CCDC15: variants seen among roughly 807,000 people sequenced by gnomAD.
CCDC15 encodes coiled-coil domain containing 15.
A neutral mutation model predicts 114.5 loss-of-function variants in CCDC15; 105 were observed. The ratio of observed to expected loss-of-function variants is 0.92; its 90% CI spans 0.78 to 1.08. CCDC15 has a LOEUF of 1.08. CCDC15 is among the 50% of genes least tolerant of loss of function. The pLI, the probability that CCDC15 is intolerant of heterozygous loss-of-function variation, is 0.00. For synonymous variants in CCDC15, 334 were observed against 377.8 expected, an observed-to-expected ratio of 0.88 and a Z score of 1.34; for missense variants, 1,105 against 1,093.6, an observed-to-expected ratio of 1.01 and a Z score of -0.15.
intron 6 of CCDC15, among the ~76,000 whole-genome samples, chr11:124,982,212 C>G (rs528215054): frequency 6.6e-6 from 1 of 152,250 alleles, no homozygotes; most frequent in African/African-American, 2.4e-5. Flanking sequence ...CTCTTGTAGA[C>G]AGCATACCAT....
intron 2 of CCDC15, among the ~76,000 whole-genome samples, chr11:124,958,242 C>G (rs1033330330): frequency 1.3e-5 from 2 of 152,142 alleles, no homozygotes; most frequent in Non-Finnish European, 2.9e-5. Flanking sequence ...ATAAAGTGTT[C>G]CAGATTGTTC....
intron 11 of CCDC15, among the ~76,000 whole-genome samples, chr11:125,003,651 T>A (rs1284761926): frequency 6.6e-6 from 1 of 152,054 alleles, no homozygotes; most frequent in African/African-American, 2.4e-5. Flanking sequence ...CCTGAACCCT[T>A]TTCTTCGATT....
chr11:124,992,674 C>T lies in CCDC15; in HGVS notation c.2126C>T (p.Ser709Phe), dbSNP rs750991622. 1.9e-6 allele frequency: 3 copies of T among 1,576,732 alleles called. No homozygotes were observed. Among genetic ancestry groups the T allele is most frequent in the Non-Finnish European group, 2.6e-6 (3 of 1,155,572 alleles). Residue 709 changes from serine (S) to phenylalanine (F), a missense_variant, in exon 10 of 16, where the codon TCC (serine) becomes TTC (phenylalanine). Physicochemically the swap from Ser to Phe is radical, Grantham distance 155 (BLOSUM62 -2). Transcript: ENST00000344762. Reference protein sequence around the residue: ...YVVPKIQDQDSPREQNKHIKL... With the variant: ...YVVPKIQDQDFPREQNKHIKL... ...GTACCTAAAATCCAGGACCAAGACT[C>T]CCCTAGAGAACAGGTAGAACCGAAT...
intron 4 of CCDC15, among the ~76,000 whole-genome samples, chr11:124,961,270 C>A (rs1276394184): frequency 6.6e-6 from 1 of 152,104 alleles, no homozygotes; most frequent in Admixed American, 6.5e-5. Context: ...CAGTATTTGC[C>A]TATGCTGTTT....
chr11:124,989,667 G>A (rs1948236710), intron 8 of CCDC15, among the ~76,000 whole-genome samples: 1 of 152,182 alleles, frequency 6.6e-6, no homozygotes, highest in South Asian at 2.1e-4. Flanking sequence ...TAGATAACTT[G>A]CTGTAGCCTC....
chr11:125,009,979 CT>C (rs1948578739), intron 13 of CCDC15, among the ~76,000 whole-genome samples: 1 of 152,134 alleles, frequency 6.6e-6, no homozygotes, highest in Non-Finnish European at 1.5e-5. Flanking sequence ...ATGCGTGTGC[CT>C]TTTTGGTAGA....
At position 125,038,996 on chromosome 11, in the gene CCDC15, T is replaced by C. The variant is rs899237993; in HGVS notation, c.2661T>C (p.Cys887=). 6 of 1,612,446 alleles carry C rather than the reference T, an allele frequency of 3.7e-6. No individual in the cohort carries two copies. In the African/African-American group the frequency reaches 4.0e-5, roughly 11 times the overall value. Reference sequence around the variant, plus strand: ...ATATTACTTTACCTCCACTATGCTGTTGTGGTCCTGATTTTTGGGATGCTC... The same window carrying C: ...ATATTACTTTACCTCCACTATGCTGCTGTGGTCCTGATTTTTGGGATGCTC... ...LYNITLPPLC[C]CGPDFWDAHP... The change falls in exon 15 of 16, where the codon TGT becomes TGC. Residue 887 remains cysteine (C), a synonymous_variant. Coordinates refer to ENST00000344762, the MANE Select transcript of CCDC15 (RefSeq NM_025004.3).
chr11:125,012,538 A>G (rs545011491), intron 13 of CCDC15, among the ~76,000 whole-genome samples: 6 of 152,318 alleles, frequency 3.9e-5, no homozygotes, highest in East Asian at 1.9e-4. Context: ...CAAGATAGGT[A>G]CAGAGTCCAT....
At chr11:125,033,292 T>G (rs1948753512) in intron 13 of CCDC15, among the ~76,000 whole-genome samples, 1 of 152,226 alleles carries the variant, frequency 6.6e-6, no homozygotes, top group South Asian at 2.1e-4. Context: ...GTGCCAGAGC[T>G]CTGCATAAGT....
intron 4 of CCDC15, among the ~76,000 whole-genome samples, chr11:124,971,088 T>G (rs541062648): frequency 3.3e-5 from 5 of 152,296 alleles, no homozygotes; most frequent in Non-Finnish European, 7.4e-5. Flanking sequence ...TTAATAGGGC[T>G]TGTAGGCCTG....
intron 13 of CCDC15, among the ~76,000 whole-genome samples, chr11:125,025,109 TATATGTGAGTATATATATGA>T (rs1284688210): frequency 7.6e-6 from 1 of 130,870 alleles, no homozygotes; most frequent in Non-Finnish European, 1.6e-5. Flanking sequence ...TATATATGAA[TATATGTGAGTATATATATGA>T]ATATATATGA....
In CCDC15 at chr11:124,992,686, A is replaced by G. The variant is rs1948292057; in HGVS notation, c.2138A>G (p.Gln713Arg). The G allele has an allele frequency of 6.5e-7, 1 of 1,533,146 alleles. No homozygotes were observed. Among genetic ancestry groups the G allele is most frequent in the Non-Finnish European group, 8.9e-7 (1 of 1,118,364 alleles). 95.0% of individuals were successfully genotyped at this position (1,533,146 alleles called of 1,614,324 possible). A position where few individuals can be genotyped will look rare whatever the true frequency, so the allele number is the denominator to read the frequency against. The stretch of plus-strand genomic sequence containing the variant: ...CAGGACCAAGACTCCCCTAGAGAAC[A>G]GGTAGAACCGAATACAGTAGGAGGA... ...KIQDQDSPREQNKHIKLPSSF... is the reference protein window; with the variant it reads ...KIQDQDSPRERNKHIKLPSSF... Residue 713 changes from glutamine to arginine, a missense_variant and splice_region_variant, in exon 10 of 16, where the codon CAG (glutamine) becomes CGG (arginine). Physicochemically the swap from Gln to Arg is conservative, Grantham distance 43. Coordinates refer to ENST00000344762, the MANE Select transcript of CCDC15 (RefSeq NM_025004.3).
chr11:124,959,160 A>T lies in CCDC15; in HGVS notation c.223A>T (p.Lys75Ter). 3 of 1,590,684 alleles carry T rather than the reference A, an allele frequency of 1.9e-6. No individual in the cohort carries two copies. The highest frequency in any genetic ancestry group is 2.2e-5 in the East Asian group (1 of 44,472). ...IEEELKEQLRKKQEALKHFQK... is the reference protein window; with the variant it reads ...IEEELKEQLR Reference sequence around the variant, plus strand: ...AGAAGAACTAAAGGAACAGCTAAGAAAAAAACAAGAAGCTTTGAAACATTT... The same window carrying T: ...AGAAGAACTAAAGGAACAGCTAAGATAAAAACAAGAAGCTTTGAAACATTT... Residue 75 changes from lysine (K) to a stop codon, truncating the protein, a stop_gained, in exon 3 of 16, where the codon AAA (lysine) becomes TAA (stop). Coordinates refer to ENST00000344762, the MANE Select transcript of CCDC15 (RefSeq NM_025004.3). LOFTEE classifies it high-confidence loss of function.
chr11:125,007,266 C>G (rs1948559481), intron 13 of CCDC15, among the ~76,000 whole-genome samples: 1 of 152,174 alleles, frequency 6.6e-6, no homozygotes, highest in Admixed American at 6.6e-5. Context: ...GGTTAACTAT[C>G]ATTCTACTTT....
At chr11:124,973,337 G>A (rs904523100) in intron 4 of CCDC15, among the ~76,000 whole-genome samples, 1 of 151,692 alleles carries the variant, frequency 6.6e-6, no homozygotes, top group Non-Finnish European at 1.5e-5. Flanking sequence ...ATAAAAGGAG[G>A]CATAGTCATG....
intron 6 of CCDC15, among the ~76,000 whole-genome samples, chr11:124,980,102 A>T (rs909570536): frequency 6.6e-6 from 1 of 152,096 alleles, no homozygotes; most frequent in Non-Finnish European, 1.5e-5. Flanking sequence ...TGTTGAACCA[A>T]CCTTGCATCC....
In CCDC15 at chr11:124,971,383, G is replaced by A. The variant is rs191178300; in HGVS notation, c.517-3713G>A. Among the ~76,000 whole-genome samples the A allele has an allele frequency of 7.2e-4, 109 of 152,236 alleles. 1 individual carries two copies. Among genetic ancestry groups the A allele is most frequent in the Non-Finnish European group, 2.1e-4 (14 of 68,016 alleles). ...AACCAGGGCATCTCTTCTCCAAAGGGTCACAGCTCCTCGCCAGCAACAGAA... is the reference window on the plus strand; with the variant it reads ...AACCAGGGCATCTCTTCTCCAAAGGATCACAGCTCCTCGCCAGCAACAGAA... On this transcript the variant is annotated intron_variant, in intron 4 of 15. Coordinates refer to ENST00000344762, the MANE Select transcript of CCDC15 (RefSeq NM_025004.3).
chr11:125,020,293 C>T (rs894934422), intron 13 of CCDC15, among the ~76,000 whole-genome samples: 3 of 151,890 alleles, frequency 2.0e-5, no homozygotes, highest in Non-Finnish European at 2.9e-5. Context: ...ATCATTTTAT[C>T]TGAAAGTCTT....
chr11:125,001,382 T>A (rs1948478951), intron 11 of CCDC15, among the ~76,000 whole-genome samples: 1 of 152,246 alleles, frequency 6.6e-6, no homozygotes, highest in Non-Finnish European at 1.5e-5. Context: ...AAATGTGGAA[T>A]ATGCAAATAA....
Sources: gnomAD v4.1 joint callset for allele counts (sites outside exome capture counted in the v4.1 genomes callset) on GRCh38, gnomAD v4.1.1 for gene constraint, MANE v1.5 for transcripts, NCBI Gene and HGNC (gene_info 2026-07-23, HGNC 2026-07-21) for gene names.